NFAT5: variants seen among roughly 807,000 people sequenced by gnomAD.
The protein encoded by NFAT5 is nuclear factor of activated T cells 5.
A neutral mutation model predicts 166.5 loss-of-function variants in NFAT5; 31 were observed. The observed-to-expected ratio is 0.19, with a 90% confidence interval of 0.14 to 0.25. NFAT5 has a LOEUF of 0.25. Ranked by LOEUF, NFAT5 falls within the 10% of genes least tolerant of loss-of-function variation. The pLI is 1.00. For missense variants in NFAT5, 1,449 were observed against 1,821.8 expected, an observed-to-expected ratio of 0.80 and a Z score of 3.72; for synonymous variants, 612 against 639.7, an observed-to-expected ratio of 0.96 and a Z score of 0.65.
intron 2 of NFAT5, among the ~76,000 whole-genome samples, chr16:69,581,878 T>C (rs1387495769): frequency 6.6e-6 from 1 of 152,212 alleles, no homozygotes; most frequent in African/African-American, 2.4e-5. Context: ...ATATATGCAT[T>C]AACTTTTTTT....
At chr16:69,607,855 T>A (rs2033496366) in intron 2 of NFAT5, among the ~76,000 whole-genome samples, 1 of 152,228 alleles carries the variant, frequency 6.6e-6, no homozygotes, top group Non-Finnish European at 1.5e-5. Context: ...TGTGACATAC[T>A]TTTTCTATTT....
At chr16:69,597,784 A>G (rs1435153651) in intron 2 of NFAT5, among the ~76,000 whole-genome samples, 2 of 151,904 alleles carry the variant, frequency 1.3e-5, no homozygotes, top group African/African-American at 4.8e-5. Context: ...TAGTAGAGAC[A>G]GGGTTTCACC....
In NFAT5 at chr16:69,700,663, G is replaced by A. The variant is rs2037882480; in HGVS notation, c.*4312G>A. On this transcript the variant is annotated 3_prime_UTR_variant, in exon 15 of 15. Coordinates refer to ENST00000349945, the MANE Select transcript of NFAT5 (RefSeq NM_138713.4). ...GCTTTCCTCTGCTTTATGACCACAG[G>A]TTTTATCCCTAACCGAGACAGCTGT... 1.3e-5 allele frequency: 2 copies of A among 152,118 alleles called. No individual in the cohort carries two copies. Among genetic ancestry groups the A allele is most frequent in the South Asian group, 4.2e-4 (2 of 4,808 alleles). The allele number at this position is 152,118 out of a possible 1,614,324, so 9.4% of individuals were successfully genotyped here.
At chr16:69,694,297 A>G (rs939820713) in intron 13 of NFAT5, 58 bp downstream of exon 13, 1 of 1,362,810 alleles carries the variant, frequency 7.3e-7, no homozygotes, top group Admixed American at 2.1e-5. Flanking sequence ...AGAAGGAAGC[A>G]GAGTGCAGTG....
At chr16:69,582,673 T>A (rs2031774722) in intron 2 of NFAT5, among the ~76,000 whole-genome samples, 2 of 150,634 alleles carry the variant, frequency 1.3e-5, no homozygotes, top group Non-Finnish European at 1.5e-5. Flanking sequence ...GGCATAGATG[T>A]ATGGCTTTTT....
chr16:69,612,716 A>C (rs967812132), intron 2 of NFAT5, among the ~76,000 whole-genome samples: 1 of 151,588 alleles, frequency 6.6e-6, no homozygotes, highest in Non-Finnish European at 1.5e-5. Context: ...ACACACACAC[A>C]CCAAAAACCT....
intron 3 of NFAT5, chr16:69,632,015 A>G (rs2034740780): frequency 6.6e-6 from 1 of 152,336 alleles, no homozygotes; most frequent in South Asian, 2.1e-4. Context: ...AGTATGTAAC[A>G]AGTATTTTCT....
intron 2 of NFAT5, among the ~76,000 whole-genome samples, chr16:69,620,283 G>A (rs1174309539): frequency 1.3e-5 from 2 of 152,136 alleles, no homozygotes; most frequent in Non-Finnish European, 1.5e-5. Flanking sequence ...TGTTAATGGA[G>A]TTATTATATC....
In NFAT5 at chr16:69,684,832, C is replaced by T. The variant is rs1005940709; in HGVS notation, c.1691-55C>T. 3.0e-5 allele frequency: 34 copies of T among 1,127,590 alleles called. No homozygotes were observed. In the East Asian group the frequency reaches 6.4e-4, roughly 21 times the overall value. 69.8% of individuals were successfully genotyped at this position (1,127,590 alleles called of 1,614,324 possible). A position where few individuals can be genotyped will look rare whatever the true frequency, so the allele number is the denominator to read the frequency against. Reference sequence around the variant, plus strand: ...TATTCTAATTAAAGAATTTAAGATACGAGGTTTTTAGGATGAGTAAATGTA... The same window carrying T: ...TATTCTAATTAAAGAATTTAAGATATGAGGTTTTTAGGATGAGTAAATGTA... On this transcript the variant is annotated intron_variant, in intron 10 of 14. Coordinates refer to ENST00000349945, the MANE Select transcript of NFAT5 (RefSeq NM_138713.4).
intron 2 of NFAT5, among the ~76,000 whole-genome samples, chr16:69,625,689 C>G (rs2034423322): frequency 6.6e-6 from 1 of 151,770 alleles, no homozygotes; most frequent in Non-Finnish European, 1.5e-5. Context: ...CTGGAGAAGC[C>G]AATTTAAAGC....
chr16:69,566,203 C>T lies in NFAT5; in HGVS notation c.-99C>T. On this transcript the variant is annotated 5_prime_UTR_variant, in exon 1 of 15. Transcript: ENST00000349945. The surrounding 1 kb of genome is among the most constrained non-coding windows in gnomAD (Gnocchi z 5.7). ...GCAGCGGCAGCCGCCCTCGCGTCGC[C>T]GCCCCCGGTTCGGTGCCCGCGGTCC... The T allele has an allele frequency of 9.1e-7, 1 of 1,096,384 alleles. No individual in the cohort carries two copies. The highest frequency in any genetic ancestry group is 1.3e-6 in the Non-Finnish European group (1 of 762,696). 67.9% of individuals were successfully genotyped at this position (1,096,384 alleles called of 1,614,324 possible).
intron 3 of NFAT5, chr16:69,632,079 A>T (rs745386266): frequency 6.6e-6 from 1 of 152,162 alleles, no homozygotes; most frequent in African/African-American, 2.4e-5. Context: ...TAGAGATGCA[A>T]ATTAATGTCC....
rs2036718970 is a variant in NFAT5 at position 69,673,735 on chromosome 16, GAC to G, written c.1557+3449_1557+3450del. Among the ~76,000 whole-genome samples the G allele has an allele frequency of 1.3e-5, 2 of 151,394 alleles. 1 individual carries two copies. The highest frequency in any genetic ancestry group is 4.2e-4 in the South Asian group (2 of 4,808). ...GACCCTGTCTCAAACAAAAAAAAAAGACAACACACTTTGGATGTGATCAGTAA... is the reference window on the plus strand; with the variant it reads ...GACCCTGTCTCAAACAAAAAAAAAAGAACACACTTTGGATGTGATCAGTAA... On this transcript the variant is annotated intron_variant, in intron 9 of 14. Transcript: ENST00000349945.
Position 69,692,983 on chromosome 16 carries a change from A to G in NFAT5, c.3158A>G (p.Asn1053Ser), listed in dbSNP as rs200419455. ...SSTKSMMSVQ[N>S]SGTQQQGNGL... ...ACAAAAAGTATGATGAGTGTTCAGAATAGTGGTACCCAACAACAAGGTAAT... is the reference window on the plus strand; with the variant it reads ...ACAAAAAGTATGATGAGTGTTCAGAGTAGTGGTACCCAACAACAAGGTAAT... Residue 1053 changes from asparagine to serine, a missense_variant, in exon 13 of 15, where the codon AAT becomes AGT. Physicochemically the swap from Asn to Ser is conservative, Grantham distance 46. Around this residue, in one of 7 missense-constraint regions of NFAT5, gnomAD observed 891 missense variants for 993.0 expected, o/e 0.90. Transcript: ENST00000349945. 6.9e-5 allele frequency: 112 copies of G among 1,614,088 alleles called. No individual in the cohort carries two copies. The highest frequency in any genetic ancestry group is 8.9e-5 in the Non-Finnish European group (105 of 1,180,058).
At position 69,694,365 on chromosome 16, in the gene NFAT5, C is replaced by T. The variant is rs769644356; in HGVS notation, c.4414+126C>T. 6.2e-4 allele frequency: 436 copies of T among 701,422 alleles called. 1 individual carries two copies. The highest frequency in any genetic ancestry group is 9.0e-4 in the Non-Finnish European group (385 of 429,864). The allele number at this position is 701,422 out of a possible 1,614,324, so 43.4% of individuals were successfully genotyped here. ...TGCCTCCCAGGTTCAGGTGATTCTC[C>T]TGCCTCAGCCTCCCAAGCAGCTGGG... On this transcript the variant is annotated intron_variant, in intron 13 of 14. Coordinates refer to ENST00000349945, the MANE Select transcript of NFAT5 (RefSeq NM_138713.4).
intron 7 of NFAT5, among the ~76,000 whole-genome samples, chr16:69,666,765 G>A (rs564250534): frequency 4.3e-4 from 66 of 151,852 alleles, no homozygotes; most frequent in African/African-American, 1.4e-3. Context: ...TCAGTGTGGC[G>A]ATTCCTCAGG....
chr16:69,604,589 T>C (rs1425763882), intron 2 of NFAT5, among the ~76,000 whole-genome samples: 1 of 152,204 alleles, frequency 6.6e-6, no homozygotes, highest in Non-Finnish European at 1.5e-5. Context: ...TTTAAAAATT[T>C]TTTATTGCGG....
intron 1 of NFAT5, 55 bp from the exon 2 acceptor site, chr16:69,568,440 G>T: frequency 7.3e-7 from 1 of 1,379,282 alleles, no homozygotes. Context: ...GCTATCCTTG[G>T]CATTTTTTTC....
intron 2 of NFAT5, among the ~76,000 whole-genome samples, chr16:69,605,820 T>C (rs1597388369): frequency 6.6e-6 from 1 of 152,066 alleles, no homozygotes; most frequent in Non-Finnish European, 1.5e-5. Flanking sequence ...TTCACGCCAT[T>C]CTCCTGCCTC....
Sources: gnomAD v4.1 joint callset for allele counts (sites outside exome capture counted in the v4.1 genomes callset) on GRCh38, gnomAD v4.1.1 for gene constraint, gnomAD v4.1.1 regional missense constraint, Gnocchi (gnomAD v3.1) non-coding constraint, MANE v1.5 for transcripts, NCBI Gene and HGNC (gene_info 2026-07-23, HGNC 2026-07-21) for gene names.